SEMA6A: variants seen among roughly 807,000 people sequenced by gnomAD.
SEMA6A encodes semaphorin-6A.
Under a neutral mutation model 96.8 loss-of-function variants are expected in SEMA6A, and 25 were observed. That is an observed-to-expected ratio of 0.26 (90% CI 0.19 to 0.36). The LOEUF (loss-of-function observed/expected upper bound fraction) is 0.36. Ranked by LOEUF, SEMA6A falls within the 10% of genes least tolerant of loss-of-function variation. The pLI is 1.00. For synonymous variants in SEMA6A, 612 were observed against 518.0 expected, an observed-to-expected ratio of 1.18 and a Z score of -2.46; for missense variants, 1,363 against 1,323.1, an observed-to-expected ratio of 1.03 and a Z score of -0.47.
intron 18 of SEMA6A, among the ~76,000 whole-genome samples, chr5:116,457,261 GA>G (rs1561467325): frequency 6.6e-6 from 1 of 152,166 alleles, no homozygotes; most frequent in Non-Finnish European, 1.5e-5. Context: ...TATTATTTAT[GA>G]ATAACAAGAG....
chr5:116,492,530 C>A (rs1757378690), intron 6 of SEMA6A: 1 of 152,090 alleles, frequency 6.6e-6, no homozygotes, highest in Non-Finnish European at 1.5e-5. Flanking sequence ...TATACAAAGA[C>A]CCAGCCTGAT....
intron 1 of SEMA6A, among the ~76,000 whole-genome samples, chr5:116,538,684 G>A (rs1759831053): frequency 6.6e-6 from 1 of 152,070 alleles, no homozygotes; most frequent in Admixed American, 6.6e-5. Flanking sequence ...GCTACTCTTT[G>A]TGTACTTATA....
chr5:116,559,743 C>G (rs1760747722), intron 1 of SEMA6A, among the ~76,000 whole-genome samples: 1 of 152,200 alleles, frequency 6.6e-6, no homozygotes, highest in South Asian at 2.1e-4. Context: ...ACTCAGCTCC[C>G]CAGAGGTGAT....
At chr5:116,568,874 C>G (rs1384620726) in intron 1 of SEMA6A, among the ~76,000 whole-genome samples, 1 of 152,108 alleles carries the variant, frequency 6.6e-6, no homozygotes. Context: ...CACACACACA[C>G]ATGCATGCAT....
At chr5:116,529,361 C>T (rs568964624) in intron 1 of SEMA6A, among the ~76,000 whole-genome samples, 2 of 152,042 alleles carry the variant, frequency 1.3e-5, no homozygotes, top group Non-Finnish European at 2.9e-5. Flanking sequence ...ACAACAACAA[C>T]CTATTGTATA....
chr5:116,480,460 T>G (rs904324017), intron 11 of SEMA6A, among the ~76,000 whole-genome samples, 183 bp from the exon 12 acceptor site: 1 of 152,160 alleles, frequency 6.6e-6, no homozygotes, highest in African/African-American at 2.4e-5. Flanking sequence ...CTGAGCCGCC[T>G]CCTCATTTCT....
intron 1 of SEMA6A, among the ~76,000 whole-genome samples, chr5:116,507,575 G>A (rs1758205543): frequency 6.6e-6 from 1 of 152,178 alleles, no homozygotes; most frequent in South Asian, 2.1e-4. Context: ...GGCTGTTTAA[G>A]TCACTTTCAA....
intron 1 of SEMA6A, among the ~76,000 whole-genome samples, chr5:116,505,292 A>G (rs1758092559): frequency 6.6e-6 from 1 of 152,148 alleles, no homozygotes; most frequent in Non-Finnish European, 1.5e-5. Flanking sequence ...CTTCAAAATC[A>G]CTCAGAAATT....
Position 116,525,043 on chromosome 5 carries a change from G to T in SEMA6A, c.-38-20061C>A, listed in dbSNP as rs1759159341. Among the ~76,000 whole-genome samples the T allele has an allele frequency of 3.3e-5, 5 of 152,054 alleles. No homozygotes were observed. The South Asian group carries it at 1.0e-3, about 32-fold the overall frequency. The stretch of plus-strand genomic sequence containing the variant: ...CCTATCTAGACAATTCTTTATTCCT[G>T]GAGCAAGGACAAAAGTTTATCTTCT... On this transcript the variant is annotated intron_variant, in intron 1 of 18. Coordinates refer to ENST00000343348, the MANE Select transcript of SEMA6A (RefSeq NM_020796.5).
intron 1 of SEMA6A, among the ~76,000 whole-genome samples, chr5:116,523,728 T>C (rs567254717): frequency 3.3e-5 from 5 of 152,322 alleles, no homozygotes; most frequent in South Asian, 2.1e-4. Flanking sequence ...ATTAAAGATG[T>C]CTGTGTTCCA....
intron 17 of SEMA6A, chr5:116,472,846 T>C (rs1048381285): frequency 1.4e-5 from 19 of 1,405,884 alleles, no homozygotes; most frequent in African/African-American, 3.0e-5. Flanking sequence ...ATGAATGACT[T>C]CACGAATTTA....
rs2112933098 is a variant in SEMA6A at position 116,574,384 on chromosome 5, C to G, written c.-238G>C. 6.6e-6 allele frequency: 1 copy of G among 150,942 alleles called. No individual in the cohort carries two copies. Among genetic ancestry groups the G allele is most frequent in the East Asian group, 2.0e-4 (1 of 5,116 alleles). 9.4% of individuals were successfully genotyped at this position (150,942 alleles called of 1,614,324 possible). On this transcript the variant is annotated 5_prime_UTR_variant, in exon 1 of 19. Coordinates refer to ENST00000343348, the MANE Select transcript of SEMA6A (RefSeq NM_020796.5). ...CGGCGACTACTTTCTGGGATGCAAACGCGATGTGTTCATCTCCAATGACGA... is the reference window on the plus strand; with the variant it reads ...CGGCGACTACTTTCTGGGATGCAAAGGCGATGTGTTCATCTCCAATGACGA...
At chr5:116,542,644 G>A (rs762389387) in intron 1 of SEMA6A, among the ~76,000 whole-genome samples, 26 of 152,164 alleles carry the variant, frequency 1.7e-4, no homozygotes, top group Admixed American at 3.3e-4. Context: ...AAGAGAATCT[G>A]GATTTCTTTG....
At chr5:116,546,597 T>C (rs185961435) in intron 1 of SEMA6A, among the ~76,000 whole-genome samples, 3 of 152,336 alleles carry the variant, frequency 2.0e-5, no homozygotes, top group Admixed American at 1.3e-4. Flanking sequence ...TGGGTGATGC[T>C]CATGCTGCTG....
intron 1 of SEMA6A, among the ~76,000 whole-genome samples, chr5:116,547,973 G>A (rs997252328): frequency 6.6e-6 from 1 of 152,110 alleles, no homozygotes; most frequent in African/African-American, 2.4e-5. Context: ...ATTTGTGCTG[G>A]GGACTCTGAC....
At chr5:116,465,143 G>A (rs889113241) in intron 18 of SEMA6A, among the ~76,000 whole-genome samples, 2 of 152,054 alleles carry the variant, frequency 1.3e-5, no homozygotes, top group African/African-American at 4.8e-5. Context: ...CTGCATACAC[G>A]GATGTGACAT....
intron 16 of SEMA6A, among the ~76,000 whole-genome samples, chr5:116,474,827 A>G (rs545124001): frequency 2.3e-4 from 35 of 152,356 alleles, no homozygotes; most frequent in African/African-American, 8.2e-4. Flanking sequence ...ATATTTTCCA[A>G]GAGTATGGTA....
intron 1 of SEMA6A, among the ~76,000 whole-genome samples, chr5:116,506,969 A>G (rs530200812): frequency 2.0e-5 from 3 of 152,254 alleles, no homozygotes; most frequent in African/African-American, 7.2e-5. Flanking sequence ...ACTTTATTAT[A>G]TCCCCCAATT....
At chr5:116,553,873 T>C (rs1760509917) in intron 1 of SEMA6A, among the ~76,000 whole-genome samples, 2 of 152,214 alleles carry the variant, frequency 1.3e-5, no homozygotes, top group African/African-American at 4.8e-5. Flanking sequence ...CAACCATGTA[T>C]ACCATTTTTT....
Sources: allele counts gnomAD v4.1 joint callset (sites outside exome capture counted in the v4.1 genomes callset), GRCh38; gene constraint gnomAD v4.1.1; transcripts MANE v1.5; gene names NCBI Gene and HGNC (gene_info 2026-07-23, HGNC 2026-07-21).